The following AK3 variants were observed in gnomAD, a reference collection of about 807,000 sequenced individuals.
The protein encoded by AK3 is adenylate kinase 3, also known as GTP:AMP phosphotransferase AK3, mitochondrial.
A neutral mutation model predicts 23.7 loss-of-function variants in AK3; 27 were observed. That is an observed-to-expected ratio of 1.14 (90% confidence interval 0.84 to 1.57). The LOEUF (loss-of-function observed/expected upper bound fraction) is 1.57. Among genes scored for constraint, AK3 ranks in the 40% most tolerant of loss-of-function variants. AK3 has a pLI of 0.00. For missense variants in AK3, 406 were observed against 285.6 expected (o/e 1.42, Z -3.04); for synonymous variants, 159 against 116.0 (o/e 1.37, Z -2.38).
At chr9:4,734,540 G>A (rs1280089045) in intron 1 of AK3, among the ~76,000 whole-genome samples, 1 of 152,150 alleles carries the variant, frequency 6.6e-6, no homozygotes, top group Non-Finnish European at 1.5e-5. Flanking sequence ...ATGGATAGAT[G>A]GAGAGACAAG....
chr9:4,722,095 A>T (rs138450440), intron 2 of AK3, among the ~76,000 whole-genome samples: 1 of 152,344 alleles, frequency 6.6e-6, no homozygotes, highest in East Asian at 1.9e-4. Context: ...TGAGGACTCA[A>T]CTGAAACAAA....
intron 4 of AK3, among the ~76,000 whole-genome samples, chr9:4,713,485 T>C (rs1841617199): frequency 6.6e-6 from 1 of 152,192 alleles, no homozygotes; most frequent in Non-Finnish European, 1.5e-5. Context: ...ATCACCAAGT[T>C]GGTAGTACAT....
At chr9:4,737,804 T>C (rs1336835974) in intron 1 of AK3, among the ~76,000 whole-genome samples, 1 of 152,224 alleles carries the variant, frequency 6.6e-6, no homozygotes, top group African/African-American at 2.4e-5. Context: ...GTTTCAGTGA[T>C]GACCTACAGT....
chr9:4,717,654 CA>C lies in AK3; in HGVS notation c.563+764del, dbSNP rs532138740. Among the ~76,000 whole-genome samples, 32 of 152,312 alleles carry C rather than the reference CA, an allele frequency of 2.1e-4. No homozygotes were observed. The South Asian group carries it at 3.3e-3, about 16-fold the overall frequency. ...CATTCAATAGAAATTGTACCTCGAGCACCTGTACAACCATCCTGCTTTTCAA... is the reference window on the plus strand; with the variant it reads ...CATTCAATAGAAATTGTACCTCGAGCCCTGTACAACCATCCTGCTTTTCAA... On this transcript the variant is annotated intron_variant, in intron 4 of 4. Transcript: ENST00000381809.
intron 1 of AK3, among the ~76,000 whole-genome samples, chr9:4,730,055 C>A (rs1199376665): frequency 6.6e-6 from 1 of 152,044 alleles, no homozygotes; most frequent in Admixed American, 6.6e-5. Context: ...CAAACATGCT[C>A]AGTGAAAGAA....
In AK3 at chr9:4,718,466, T is replaced by C. The variant is rs770863203; in HGVS notation, c.516A>G (p.Arg172=). The change falls in exon 4 of 5, where the codon AGA becomes AGG. Residue 172 remains arginine (R), a synonymous_variant. Transcript: ENST00000381809. ...EDDKPETVIK[R]LKAYEDQTKP... is the part of the protein sequence containing the mutation. ...TTGTTTGGTCTTCATAAGCCTTTAGTCTCTTGATAACCGTCTCTGGTTTAT... is the reference window on the plus strand; with the variant it reads ...TTGTTTGGTCTTCATAAGCCTTTAGCCTCTTGATAACCGTCTCTGGTTTAT... The C allele has an allele frequency of 6.2e-7, 1 of 1,613,522 alleles. No homozygotes were observed. The highest frequency in any genetic ancestry group is 2.2e-5 in the East Asian group (1 of 44,884).
At chr9:4,733,610 T>C (rs970335362) in intron 1 of AK3, among the ~76,000 whole-genome samples, 1 of 152,242 alleles carries the variant, frequency 6.6e-6, no homozygotes, top group Non-Finnish European at 1.5e-5. Context: ...ATCTCTCTCC[T>C]CTTCAGTGAA....
chr9:4,721,000 A>C (rs1159744554), intron 2 of AK3, among the ~76,000 whole-genome samples: 2 of 152,186 alleles, frequency 1.3e-5, no homozygotes, highest in African/African-American at 4.8e-5. Flanking sequence ...GACCTCCCAC[A>C]AATGGGAATG....
At chr9:4,736,114 CA>C (rs771506489) in intron 1 of AK3, among the ~76,000 whole-genome samples, 279 of 49,118 alleles carry the variant, frequency 5.7e-3, no homozygotes, top group African/African-American at 0.011. Flanking sequence ...GACTCCATCT[CA>C]AAAAAAAAAA....
At chr9:4,729,015 A>ATATATTTTTTTTT (rs71326127) in intron 1 of AK3, among the ~76,000 whole-genome samples, 16 of 129,430 alleles carry the variant, frequency 1.2e-4, no homozygotes, top group East Asian at 1.2e-3. Context: ...ATATATATAT[A>ATATATTTTTTTTT]TTTTTTTTTT....
At chr9:4,720,351 A>G (rs963248951) in intron 2 of AK3, among the ~76,000 whole-genome samples, 2 of 152,196 alleles carry the variant, frequency 1.3e-5, no homozygotes, top group African/African-American at 4.8e-5. Context: ...GAATACCAGA[A>G]AAAAATTAAA....
intron 2 of AK3, among the ~76,000 whole-genome samples, chr9:4,720,680 C>G (rs1396602348): frequency 8.5e-6 from 1 of 117,436 alleles, no homozygotes; most frequent in Non-Finnish European, 1.8e-5. Context: ...CAGAGCAAGA[C>G]ACTGTCTCCA....
Position 4,733,310 on chromosome 9 carries a change from G to GGTTTTT in AK3, c.151+7626_151+7627insAAAAAC, listed in dbSNP as rs1842196445. 2.0e-5 allele frequency among the ~76,000 whole-genome samples: 3 copies of GGTTTTT among 147,980 alleles called. No individual in the cohort carries two copies. The Admixed American group carries it at 2.1e-4, about 10-fold the overall frequency. ...ATGTCAGGAAATTAGTTAAATGATA[G>GGTTTTT]CTTTACACCCAATCAAGGGCTTTAA... On this transcript the variant is annotated intron_variant, in intron 1 of 4. Coordinates refer to ENST00000381809, the MANE Select transcript of AK3 (RefSeq NM_016282.4).
At chr9:4,738,401 G>A (rs1842346113) in intron 1 of AK3, among the ~76,000 whole-genome samples, 2 of 152,106 alleles carry the variant, frequency 1.3e-5, no homozygotes, top group Non-Finnish European at 1.5e-5. Flanking sequence ...CCTGACCTCT[G>A]GTGATTCACC....
chr9:4,739,587 C>T (rs936860692), intron 1 of AK3, among the ~76,000 whole-genome samples: 1 of 151,768 alleles, frequency 6.6e-6, no homozygotes, highest in African/African-American at 2.4e-5. Flanking sequence ...AGTGAAACCA[C>T]ACTAGTGCAG....
At chr9:4,728,523 T>C (rs76210385) in intron 1 of AK3, among the ~76,000 whole-genome samples, 43,201 of 151,996 alleles carry the variant, frequency 0.28, 7,432 homozygotes, top group Non-Finnish European at 0.36. Context: ...GTGACCTGAA[T>C]AGCTGCCACT....
rs773084111 is a variant in AK3, at chr9:4,713,088, C to A, written c.572G>T (p.Gly191Val). ...KPVLEYYQKK[G>V]VLETFSGTET... ...TGTTCCGGAGAATGTTTCCAGCACCCCTTTTTTCCTAAAGATGAAACAAAA... is the reference window on the plus strand; with the variant it reads ...TGTTCCGGAGAATGTTTCCAGCACCACTTTTTTCCTAAAGATGAAACAAAA... Residue 191 changes from glycine to valine, a missense_variant, in exon 5 of 5, where the codon GGG (glycine) becomes GTG (valine). Gly to Val is a moderately radical substitution (Grantham distance 109). Coordinates refer to ENST00000381809, the MANE Select transcript of AK3 (RefSeq NM_016282.4). 16 of 1,613,370 alleles carry A rather than the reference C, an allele frequency of 9.9e-6. No homozygotes were observed. The South Asian group carries it at 1.6e-4, about 17-fold the overall frequency.
intron 1 of AK3, among the ~76,000 whole-genome samples, chr9:4,729,456 A>G (rs965865370): frequency 2.0e-5 from 3 of 152,128 alleles, no homozygotes; most frequent in East Asian, 1.9e-4. Flanking sequence ...TGAGTGACAG[A>G]GCAAGACCCT....
In AK3 at chr9:4,719,209, G is replaced by A. The variant is rs750035551; in HGVS notation, c.370C>T (p.Arg124Cys). Reference sequence around the variant, plus strand: ...GGATGAATCCAGCGAGCAGTAAGGCGTTGTTTAATGACCTCAAAGGGCACA... The same window carrying A: ...GGATGAATCCAGCGAGCAGTAAGGCATTGTTTAATGACCTCAAAGGGCACA... ...LNVPFEVIKQ[R>C]LTARWIHPAS... The change falls in exon 3 of 5, where the codon CGC becomes TGC. Residue 124 changes from arginine (R) to cysteine (C), a missense_variant. By Grantham distance (180) the Arg-to-Cys change is radical (BLOSUM62 -3). Coordinates refer to ENST00000381809, the MANE Select transcript of AK3 (RefSeq NM_016282.4). The A allele has an allele frequency of 1.6e-5, 26 of 1,611,762 alleles. No individual in the cohort carries two copies. Among genetic ancestry groups the A allele is most frequent in the South Asian group, 6.6e-5 (6 of 90,974 alleles).
Sources: allele counts gnomAD v4.1 joint callset (sites outside exome capture counted in the v4.1 genomes callset), GRCh38; gene constraint gnomAD v4.1.1; transcripts MANE v1.5; gene names NCBI Gene and HGNC (gene_info 2026-07-23, HGNC 2026-07-21).